The following ABCC11 variants were observed in gnomAD, a reference collection of about 807,000 sequenced individuals.
ABCC11 encodes ATP-binding cassette sub-family C member 11.
In ABCC11, 135 loss-of-function variants were observed where a neutral mutation model predicts 149.3. That is an observed-to-expected ratio of 0.90 (90% CI 0.79 to 1.04). The LOEUF is 1.04. ABCC11 is among the 50% of genes least tolerant of loss of function. The pLI, the probability that ABCC11 is intolerant of heterozygous loss-of-function variation, is 0.00. For missense variants in ABCC11, 1,680 were observed against 1,722.1 expected, an observed-to-expected ratio of 0.98 and a Z score of 0.43; for synonymous variants, 665 against 671.4, an observed-to-expected ratio of 0.99 and a Z score of 0.15.
At chr16:48,194,876 ATATG>A (rs1332668244) in intron 18 of ABCC11, among the ~76,000 whole-genome samples, 1 of 152,216 alleles carries the variant, frequency 6.6e-6, no homozygotes, top group Non-Finnish European at 1.5e-5. Flanking sequence ...CCAGTCTAAT[ATATG>A]TTGTTACAGC....
chr16:48,173,221 G>A (rs956923199), intron 26 of ABCC11, among the ~76,000 whole-genome samples: 5 of 152,160 alleles, frequency 3.3e-5, no homozygotes, highest in African/African-American at 1.2e-4. Context: ...TAAGGGTAGA[G>A]CCTTAAGTTC....
chr16:48,166,906 AAAGT>A lies in ABCC11; in HGVS notation c.*364_*367del. 1 of 176,866 alleles carries A rather than the reference AAAGT, an allele frequency of 5.7e-6. No individual in the cohort carries two copies. The allele number at this position is 176,866 out of a possible 1,614,324, so 11.0% of individuals were successfully genotyped here. On this transcript the variant is annotated 3_prime_UTR_variant, in exon 30 of 30. Coordinates refer to ENST00000356608, the MANE Select transcript of ABCC11 (RefSeq NM_001370497.1). ...AGAAACGAAAGGAAGCAGAACAAAG[AAAGT>A]GAGTTTTCCTTAGTTTTATATTTTA...
intron 1 of ABCC11, among the ~76,000 whole-genome samples, chr16:48,238,663 C>T (rs947557933): frequency 2.6e-5 from 4 of 151,926 alleles, no homozygotes; most frequent in Non-Finnish European, 4.4e-5. Flanking sequence ...CTAGGCCGGG[C>T]GCGGTGGCTC....
chr16:48,185,296 T>A (rs1197829816), intron 22 of ABCC11, among the ~76,000 whole-genome samples: 3 of 152,238 alleles, frequency 2.0e-5, no homozygotes, highest in Admixed American at 6.5e-5. Context: ...CGTGAACATC[T>A]GTATACCCTC....
At position 48,175,349 on chromosome 16, in the gene ABCC11, C is replaced by A. The variant is rs769368539; in HGVS notation, c.3607G>T (p.Gly1203Cys). The stretch of plus-strand genomic sequence containing the variant: ...AGGCCGATGCTGCAAATGTCCACGC[C>A]GTCAATGAGAATCCGGCCTGCCATG... The part of the protein sequence containing the change: ...EPMAGRILID[G>C]VDICSIGLED... The change falls in exon 26 of 30, where the codon GGC (glycine) becomes TGC (cysteine). Residue 1203 changes from glycine (G) to cysteine (C), a missense_variant. Transcript: ENST00000356608. The A allele has an allele frequency of 1.2e-6, 2 of 1,614,102 alleles. No homozygotes were observed. The highest frequency in any genetic ancestry group is 1.1e-5 in the South Asian group (1 of 91,070).
intron 28 of ABCC11, among the ~76,000 whole-genome samples, chr16:48,168,592 G>T (rs17821664): frequency 0.11 from 17,050 of 152,252 alleles, 1,099 homozygotes; most frequent in African/African-American, 0.16. Context: ...CTACGTAGGA[G>T]AAGGTTTGCC....
intron 25 of ABCC11, among the ~76,000 whole-genome samples, chr16:48,175,713 C>G (rs1596663851): frequency 6.6e-6 from 1 of 152,142 alleles, no homozygotes; most frequent in Admixed American, 6.5e-5. Flanking sequence ...AATTCCTTGC[C>G]AGCATTTTTA....
At chr16:48,217,674 A>G (rs1969441009) in intron 6 of ABCC11, among the ~76,000 whole-genome samples, 1 of 152,220 alleles carries the variant, frequency 6.6e-6, no homozygotes, top group Non-Finnish European at 1.5e-5. Flanking sequence ...GTTTTCTAGA[A>G]TTGCCAGTCT....
At position 48,165,955 on chromosome 16, in the gene ABCC11, A is replaced by G. The variant is rs1433505057; in HGVS notation, c.*1319T>C. 1 of 152,232 alleles carries G rather than the reference A, an allele frequency of 6.6e-6. No individual in the cohort carries two copies. The highest frequency in any genetic ancestry group is 1.9e-4 in the East Asian group (1 of 5,204). 9.4% of individuals were successfully genotyped at this position (152,232 alleles called of 1,614,324 possible). A position where few individuals can be genotyped will look rare whatever the true frequency, so the allele number is the denominator to read the frequency against. ...ATGTGGAGGGTGGGGGAGTGAGAAC[A>G]AGAAAGAGAGAAAACAAATTATTTT... On this transcript the variant is annotated 3_prime_UTR_variant, in exon 30 of 30. Coordinates refer to ENST00000356608, the MANE Select transcript of ABCC11 (RefSeq NM_001370497.1).
intron 1 of ABCC11, among the ~76,000 whole-genome samples, chr16:48,243,260 G>C (rs1260872018): frequency 6.6e-6 from 1 of 151,848 alleles, no homozygotes; most frequent in Non-Finnish European, 1.5e-5. Context: ...AATTAGCCGG[G>C]CGTGGTTGCG....
chr16:48,208,151 C>A (rs1433900120), intron 12 of ABCC11, among the ~76,000 whole-genome samples: 1 of 152,052 alleles, frequency 6.6e-6, no homozygotes, highest in Non-Finnish European at 1.5e-5. Context: ...GTGTTAATAT[C>A]CTGTATCCTC....
At chr16:48,171,177 C>G (rs898892711) in intron 26 of ABCC11, among the ~76,000 whole-genome samples, 1 of 152,224 alleles carries the variant, frequency 6.6e-6, no homozygotes, top group African/African-American at 2.4e-5. Flanking sequence ...GGGGCCACCT[C>G]CTCCCCAGTC....
intron 1 of ABCC11, among the ~76,000 whole-genome samples, chr16:48,234,022 C>T (rs1327833401): frequency 6.6e-6 from 1 of 152,226 alleles, no homozygotes; most frequent in Admixed American, 6.5e-5. Context: ...CACACTTGTA[C>T]ATTTAATCTG....
At chr16:48,207,495 G>A (rs1429527291) in intron 12 of ABCC11, among the ~76,000 whole-genome samples, 4 of 151,944 alleles carry the variant, frequency 2.6e-5, no homozygotes, top group East Asian at 3.9e-4. Context: ...GTGAAACCAC[G>A]TCTCTACCAA....
At chr16:48,247,208 C>T (rs1397241514) in intron 1 of ABCC11, 106 bp downstream of exon 1, 1 of 150,000 alleles carries the variant, frequency 6.7e-6, no homozygotes. Flanking sequence ...GCCTTTAAAA[C>T]ACTCTACTTA....
chr16:48,224,213 T>C, intron 5 of ABCC11, 69 bp downstream of exon 5: 1 of 1,532,610 alleles, frequency 6.5e-7, no homozygotes, highest in Non-Finnish European at 8.9e-7. Flanking sequence ...GACTTGAACA[T>C]GCCCGCAGTT....
At chr16:48,229,480 C>T (rs1347837603) in intron 3 of ABCC11, among the ~76,000 whole-genome samples, 5 of 110,178 alleles carry the variant, frequency 4.5e-5, no homozygotes, top group African/African-American at 1.7e-4. Context: ...TTTTTTGAGA[C>T]GGAGGCTCGC....
In ABCC11 at chr16:48,177,195, G is replaced by T. The variant is rs192098195; in HGVS notation, c.3349-82C>A. ...CCTGCGGGCCTGCCAGCCTCCCGCT[G>T]TAGGGGGTGTGACCCACCCCAGCCT... On this transcript the variant is annotated intron_variant, in intron 24 of 29. Transcript: ENST00000356608. 195 of 1,436,370 alleles carry T rather than the reference G, an allele frequency of 1.4e-4. 1 individual carries two copies. The African/African-American group carries it at 2.5e-3, about 19-fold the overall frequency. The allele number at this position is 1,436,370 out of a possible 1,614,324, so 89.0% of individuals were successfully genotyped here.
chr16:48,194,011 G>A lies in ABCC11; in HGVS notation c.2405-29C>T, dbSNP rs1440762118. 1.9e-6 allele frequency: 3 copies of A among 1,554,930 alleles called. 1 individual carries two copies. The highest frequency in any genetic ancestry group is 3.3e-5 in the Admixed American group (2 of 59,718). ...GGAGGGAGACAGTGGTGATGTACAA[G>A]TGCCACAAACAGGTGCGAGGCAACT... is the stretch of plus-strand genomic sequence containing the variant. On this transcript the variant is annotated intron_variant, in intron 18 of 29. Coordinates refer to ENST00000356608, the MANE Select transcript of ABCC11 (RefSeq NM_001370497.1).
Sources: gnomAD v4.1 joint callset for allele counts (sites outside exome capture counted in the v4.1 genomes callset) on GRCh38, gnomAD v4.1.1 for gene constraint, MANE v1.5 for transcripts, NCBI Gene and HGNC (gene_info 2026-07-23, HGNC 2026-07-21) for gene names.